B4GALNT2: variants seen among roughly 807,000 people sequenced by gnomAD.
The protein encoded by B4GALNT2 is N-acetylneuraminylgalactosylglucosyl-glucoside beta-1,4-N- acetylgalactosaminyltransferase 2.
In B4GALNT2, 42 loss-of-function variants were observed where a neutral mutation model predicts 51.1. That is an observed-to-expected ratio of 0.82 (90% CI 0.64 to 1.06). B4GALNT2 has a LOEUF of 1.06. Ranked by LOEUF, B4GALNT2 falls within the 50% of genes least tolerant of loss-of-function variation. The pLI is 0.00. For synonymous variants in B4GALNT2, 253 were observed against 251.7 expected (o/e 1.01, Z -0.05); for missense variants, 602 against 633.6 (o/e 0.95, Z 0.54).
At chr17:49,122,960 C>T in the B4GALNT2 span, among the ~76,000 whole-genome samples, 307 of 152,234 alleles carry the variant, frequency 2.0e-3, 3 homozygotes, top group African/African-American at 5.8e-3. Context: ...GAGGTAGGAA[C>T]GACAAAAAGT....
chr17:49,164,563 A>G lies in B4GALNT2; in HGVS notation c.954+288A>G, dbSNP rs1050905353. The stretch of plus-strand genomic sequence containing the variant: ...GTCGCTCAGGCTGGAGTGCCGTGGC[A>G]TGATCTCAGCTCACTGCAACCTCCA... On this transcript the variant is annotated intron_variant, in intron 8 of 10. Coordinates refer to ENST00000393354, the MANE Select transcript of B4GALNT2 (RefSeq NM_001159387.2). Among the ~76,000 whole-genome samples the G allele has an allele frequency of 2.2e-5, 3 of 135,804 alleles. No individual in the cohort carries two copies. In the Admixed American group the frequency reaches 2.4e-4, roughly 11 times the overall value. 89.1% of individuals were successfully genotyped at this position (135,804 alleles called of 152,430 possible). A position where few individuals can be genotyped will look rare whatever the true frequency, so the allele number is the denominator to read the frequency against.
At chr17:49,141,551 C>A (rs895594592) in intron 2 of B4GALNT2, 104 bp downstream of exon 2, 3 of 1,248,444 alleles carry the variant, frequency 2.4e-6, no homozygotes, top group African/African-American at 1.5e-5. Flanking sequence ...GGTTCCCTTG[C>A]TTTCCTAAGC....
At chr17:49,156,741 G>A (rs572128158) in intron 5 of B4GALNT2, 138 bp downstream of exon 5, 4 of 994,218 alleles carry the variant, frequency 4.0e-6, no homozygotes, top group Non-Finnish European at 5.9e-6. Context: ...GGGATGGAAG[G>A]GTGTGTAGAA....
rs112479042 is a variant in B4GALNT2 at position 49,135,346 on chromosome 17, CT to C, written c.14+2554del. 5.5e-3 allele frequency among the ~76,000 whole-genome samples: 792 copies of C among 142,924 alleles called. 1 individual carries two copies. The highest frequency in any genetic ancestry group is 7.3e-3 in the African/African-American group (286 of 39,288). 93.8% of individuals were successfully genotyped at this position (142,924 alleles called of 152,430 possible). ...CTTTAGTAGTAATATAGCTATCCTT[CT>C]TTTTTTTTTTTTTGACGGAGTTTCA... On this transcript the variant is annotated intron_variant, in intron 1 of 10. Coordinates refer to ENST00000393354, the MANE Select transcript of B4GALNT2 (RefSeq NM_001159387.2).
chr17:49,152,051 T>G (rs183322730), intron 3 of B4GALNT2, among the ~76,000 whole-genome samples: 202 of 152,210 alleles, frequency 1.3e-3, no homozygotes, highest in Non-Finnish European at 2.2e-3. Context: ...AATTTCCTTC[T>G]TCTATGCTGG....
intron 8 of B4GALNT2, among the ~76,000 whole-genome samples, chr17:49,164,819 AT>A (rs1033044693): frequency 2.4e-5 from 3 of 126,680 alleles, no homozygotes; most frequent in Non-Finnish European, 3.4e-5. Context: ...TTTATTTTTC[AT>A]TTTTTTTGAG....
chr17:49,166,105 C>T lies in B4GALNT2; in HGVS notation c.955-9C>T. On this transcript the variant is annotated splice_polypyrimidine_tract_variant and intron_variant, in intron 8 of 10. Transcript: ENST00000393354. ...GGCAACCACTCCTTTAACCTCATTT[C>T]ATCTACAGGGTTGGTTTGCTGGTAG... is the stretch of plus-strand genomic sequence containing the variant. 6.2e-7 allele frequency: 1 copy of T among 1,613,208 alleles called. No individual in the cohort carries two copies. The highest frequency in any genetic ancestry group is 8.5e-7 in the Non-Finnish European group (1 of 1,179,460).
In B4GALNT2 at chr17:49,169,558, G is replaced by T. The variant is rs1284688144; in HGVS notation, c.1351G>T (p.Gly451Trp). ...FIDGLGTLLV[G>W]SCPEVIIGHQ... ...TGATGGGCTAGGGACCCTACTCGTG[G>T]GGTCATGCCCAGAAGTGATTATAGG... Residue 451 changes from glycine (G) to tryptophan (W), a missense_variant, in exon 11 of 11, where the codon GGG (glycine) becomes TGG (tryptophan). Coordinates refer to ENST00000393354, the MANE Select transcript of B4GALNT2 (RefSeq NM_001159387.2). The T allele has an allele frequency of 6.2e-7, 1 of 1,612,476 alleles. No homozygotes were observed. The highest frequency in any genetic ancestry group is 1.3e-5 in the African/African-American group (1 of 74,960).
chr17:49,150,915 T>A (rs1021599177), intron 3 of B4GALNT2, among the ~76,000 whole-genome samples: 5 of 151,686 alleles, frequency 3.3e-5, no homozygotes, highest in African/African-American at 7.3e-5. Context: ...CCAAGAATGA[T>A]CAATTAAAAA....
intron 7 of B4GALNT2, among the ~76,000 whole-genome samples, chr17:49,163,249 A>C (rs908272518): frequency 2.6e-5 from 4 of 152,172 alleles, no homozygotes; most frequent in African/African-American, 9.7e-5. Context: ...AAGATGGACA[A>C]TTCTGTCCAG....
At position 49,169,722 on chromosome 17, in the gene B4GALNT2, C is replaced by T. The variant is rs147352919; in HGVS notation, c.1515C>T (p.Ala505=). The change falls in exon 11 of 11, where the codon GCC becomes GCT. Residue 505 remains alanine (A), a synonymous_variant. Coordinates refer to ENST00000393354, the MANE Select transcript of B4GALNT2 (RefSeq NM_001159387.2). ...ACTTCAAGAACCATCTCCAATGTGC[C>T]GCATAAAGGTGTGAGGGCATAGGAG... The part of the protein sequence containing the change: ...LHYFKNHLQC[A]A The T allele has an allele frequency of 1.8e-4, 279 of 1,573,186 alleles. No homozygotes were observed. The highest frequency in any genetic ancestry group is 2.3e-4 in the Non-Finnish European group (261 of 1,156,778).
rs932901883 is a variant in B4GALNT2 at position 49,173,213 on chromosome 17, A to G, written c.*3485A>G. On this transcript the variant is annotated 3_prime_UTR_variant, in exon 11 of 11. Coordinates refer to ENST00000393354, the MANE Select transcript of B4GALNT2 (RefSeq NM_001159387.2). ...GACTGCTGTTTGCAATTGGGTAAAT[A>G]AAGCCATCAGTTGCTCATCTGTGTG... The G allele has an allele frequency of 6.6e-6, 1 of 152,266 alleles. No homozygotes were observed. Among genetic ancestry groups the G allele is most frequent in the Non-Finnish European group, 1.5e-5 (1 of 68,056 alleles). The allele number at this position is 152,266 out of a possible 1,614,324, so 9.4% of individuals were successfully genotyped here. A position where few individuals can be genotyped will look rare whatever the true frequency, so the allele number is the denominator to read the frequency against.
chr17:49,145,440 C>T (rs1474783109), intron 3 of B4GALNT2, among the ~76,000 whole-genome samples: 1 of 152,166 alleles, frequency 6.6e-6, no homozygotes, highest in Non-Finnish European at 1.5e-5. Flanking sequence ...TGTGTATATG[C>T]ACAAACATGT....
chr17:49,152,805 G>A lies in B4GALNT2; in HGVS notation c.359G>A (p.Gly120Glu), dbSNP rs772932925. 6.3e-7 allele frequency: 1 copy of A among 1,596,826 alleles called. No homozygotes were observed. The highest frequency in any genetic ancestry group is 8.5e-7 in the Non-Finnish European group (1 of 1,171,676). Residue 120 changes from glycine (G) to glutamate (E), a missense_variant, in exon 4 of 11, where the codon GGG (glycine) becomes GAG (glutamate). Gly to Glu is a moderately conservative substitution (Grantham distance 98, BLOSUM62 -2). Coordinates refer to ENST00000393354, the MANE Select transcript of B4GALNT2 (RefSeq NM_001159387.2). ...AEFEHFQRREGLPRPLPLLVQ... is the reference protein window; with the variant it reads ...AEFEHFQRREELPRPLPLLVQ... ...TTCTGTTCTCCTTCCTGCAGAGAAG[G>A]GCTGCCCCGCCCACTGCCCCTGCTG...
upstream of B4GALNT2, among the ~76,000 whole-genome samples, chr17:49,128,304 G>T (rs1416829030): frequency 6.6e-6 from 1 of 152,204 alleles, no homozygotes; most frequent in South Asian, 2.1e-4. Context: ...TTTTGAACGG[G>T]TCACAGGTGG....
chr17:49,155,780 G>GTCGAGATCTCGCCCAGGCTGGAGTGCAA (rs2042803976), intron 4 of B4GALNT2, among the ~76,000 whole-genome samples: 1 of 151,692 alleles, frequency 6.6e-6, no homozygotes, highest in Non-Finnish European at 1.5e-5. Flanking sequence ...CTGGAGTGCA[G>GTCGAGATCTCGCCCAGGCTGGAGTGCAA]TGTCGAGATC....
intron 3 of B4GALNT2, among the ~76,000 whole-genome samples, chr17:49,150,068 TCG>T (rs145924999): frequency 0.016 from 2,297 of 147,196 alleles, 86 homozygotes; most frequent in African/African-American, 0.054. Context: ...ATTTTGGAGG[TCG>T]GGGGGGGTCA....
At chr17:49,121,496 T>C in the B4GALNT2 span, among the ~76,000 whole-genome samples, 6 of 151,988 alleles carry the variant, frequency 3.9e-5, no homozygotes, top group Admixed American at 3.3e-4. Flanking sequence ...AAGGGACGAG[T>C]AGACAGGGGC....
chr17:49,134,496 C>T (rs915264542), intron 1 of B4GALNT2, among the ~76,000 whole-genome samples: 9 of 152,240 alleles, frequency 5.9e-5, no homozygotes, highest in Admixed American at 4.6e-4. Context: ...TCTTTCCCTC[C>T]CGAGCTCAAG....
Sources: gnomAD v4.1 joint callset for allele counts (sites outside exome capture counted in the v4.1 genomes callset) on GRCh38, gnomAD v4.1.1 for gene constraint, MANE v1.5 for transcripts, NCBI Gene and HGNC (gene_info 2026-07-23, HGNC 2026-07-21) for gene names.